The following PCDH7 variants were observed in gnomAD, a reference collection of about 807,000 sequenced individuals.
The protein encoded by PCDH7 is protocadherin 7, also known as protocadherin-7.
In PCDH7, 17 loss-of-function variants were observed where a neutral mutation model predicts 58.9. That is an observed-to-expected ratio of 0.29 (90% confidence interval 0.20 to 0.43). PCDH7 has a LOEUF of 0.43. PCDH7 is among the 20% of genes least tolerant of loss of function. PCDH7 has a pLI of 1.00. For missense variants in PCDH7, 1,274 were observed against 1,441.0 expected (o/e 0.88, Z 1.88); for synonymous variants, 664 against 616.4 (o/e 1.08, Z -1.14).
At chr4:30,901,387 A>T (rs1176406771) in intron 1 of PCDH7, among the ~76,000 whole-genome samples, 1 of 152,172 alleles carries the variant, frequency 6.6e-6, no homozygotes, top group Non-Finnish European at 1.5e-5. Flanking sequence ...GCCAAGGCAG[A>T]TTAAAATTAG....
At chr4:30,820,326 T>A (rs916276413) in intron 1 of PCDH7, among the ~76,000 whole-genome samples, 3 of 152,174 alleles carry the variant, frequency 2.0e-5, no homozygotes, top group African/African-American at 7.2e-5. Flanking sequence ...AAGCATTTTT[T>A]TAAAAAATGA....
chr4:30,738,089 A>G (rs1028276869), intron 1 of PCDH7, among the ~76,000 whole-genome samples: 1 of 152,092 alleles, frequency 6.6e-6, no homozygotes, highest in Non-Finnish European at 1.5e-5. Context: ...TCCTCTTTTT[A>G]TAAGAACACT....
At chr4:31,107,487 C>T (rs538742295) in intron 3 of PCDH7, among the ~76,000 whole-genome samples, 55 of 152,220 alleles carry the variant, frequency 3.6e-4, no homozygotes, top group Non-Finnish European at 6.2e-4. Context: ...TTGCTTAGCT[C>T]GCACAGATGA....
intron 3 of PCDH7, among the ~76,000 whole-genome samples, chr4:31,141,320 GC>G: frequency 6.6e-6 from 1 of 152,278 alleles, no homozygotes; most frequent in Non-Finnish European, 1.5e-5. Context: ...TAAGTCCCAA[GC>G]CTTGTAATAA....
chr4:31,084,709 AGGAGGGGAGGGGAGAAGAGGGGAGG>A (rs1343324511), intron 3 of PCDH7, among the ~76,000 whole-genome samples: 1 of 83,728 alleles, frequency 1.2e-5, no homozygotes, highest in African/African-American at 4.7e-5. Flanking sequence ...GGGAAAAGGG[AGGAGGGGAGGGGAGAAGAGGGGAGG>A]GGAGGGGATG....
Position 31,120,857 on chromosome 4 carries a change from G to A in PCDH7, c.*8-21616G>A, listed in dbSNP as rs556520722. Among the ~76,000 whole-genome samples the A allele has an allele frequency of 3.9e-5, 6 of 152,170 alleles. No homozygotes were observed. The South Asian group carries it at 1.0e-3, about 26-fold the overall frequency. Reference sequence around the variant, plus strand: ...CTGTTTCTTATTTTTAACCCTCTGGGAAATGAATACAACACTTGCCTGTTT... The same window carrying A: ...CTGTTTCTTATTTTTAACCCTCTGGAAAATGAATACAACACTTGCCTGTTT... On this transcript the variant is annotated intron_variant, in intron 3 of 3. Coordinates refer to the PCDH7 transcript ENST00000509759.
At chr4:30,951,026 T>C (rs1578396593) in intron 3 of PCDH7, among the ~76,000 whole-genome samples, 1 of 152,160 alleles carries the variant, frequency 6.6e-6, no homozygotes. Flanking sequence ...GGGCTTGTTT[T>C]GATGTATCAG....
rs1746161787 is a variant in PCDH7 at position 30,942,507 on chromosome 4, T to C, written c.288-7613T>C. 2.0e-5 allele frequency among the ~76,000 whole-genome samples: 3 copies of C among 151,994 alleles called. No individual in the cohort carries two copies. In the South Asian group the frequency reaches 6.2e-4, roughly 31 times the overall value. ...TCTTTATTTTGTAGTTGAGAAATTG[T>C]TTTTCTAAATGTTCTATCCCTCAAG... On this transcript the variant is annotated intron_variant, in intron 2 of 3. Coordinates refer to the PCDH7 transcript ENST00000509759.
At chr4:30,967,974 G>T (rs1029517717) in intron 3 of PCDH7, among the ~76,000 whole-genome samples, 1 of 151,994 alleles carries the variant, frequency 6.6e-6, no homozygotes, top group African/African-American at 2.4e-5. Context: ...TAAGCCTTGT[G>T]AGTAGAGGAA....
chr4:30,794,367 A>G (rs1480836058), intron 1 of PCDH7, among the ~76,000 whole-genome samples: 1 of 152,242 alleles, frequency 6.6e-6, no homozygotes, highest in Non-Finnish European at 1.5e-5. Flanking sequence ...CTCCTGTTTT[A>G]GGACTGTATA....
chr4:30,734,641 A>G (rs1382881089), downstream of PCDH7, among the ~76,000 whole-genome samples: 1 of 152,178 alleles, frequency 6.6e-6, no homozygotes, highest in Non-Finnish European at 1.5e-5. Flanking sequence ...AAAATAATAT[A>G]TATGAGGCAA....
rs1577697734 is a variant in PCDH7 at position 30,762,624 on chromosome 4, C to T, written c.70+38028C>T. On this transcript the variant is annotated intron_variant, in intron 1 of 3. Transcript: ENST00000509759. ...AAGCTATTAAATTAAAATAGTTTAC[C>T]CCTTGAGGATTTTCAAAGACCAAAG... Among the ~76,000 whole-genome samples, 4 of 152,056 alleles carry T rather than the reference C, an allele frequency of 2.6e-5. No homozygotes were observed. In the South Asian group the frequency reaches 8.3e-4, roughly 32 times the overall value.
At chr4:31,022,094 C>G (rs187945500) in intron 3 of PCDH7, among the ~76,000 whole-genome samples, 6 of 152,150 alleles carry the variant, frequency 3.9e-5, no homozygotes, top group African/African-American at 1.4e-4. Context: ...TTAAGGAAGT[C>G]AGTGTTTAAA....
At chr4:31,031,918 G>A (rs1010363670) in intron 3 of PCDH7, among the ~76,000 whole-genome samples, 5 of 152,094 alleles carry the variant, frequency 3.3e-5, no homozygotes, top group African/African-American at 4.8e-5. Flanking sequence ...TATTTTCAAG[G>A]CATTTCATGA....
At chr4:30,808,043 G>A (rs1726473643) in intron 1 of PCDH7, among the ~76,000 whole-genome samples, 1 of 152,250 alleles carries the variant, frequency 6.6e-6, no homozygotes, top group South Asian at 2.1e-4. Flanking sequence ...AGGGCTTGTA[G>A]GCACATCTCT....
intron 2 of PCDH7, among the ~76,000 whole-genome samples, chr4:30,938,498 ACACACACG>A (rs1380496942): frequency 6.6e-6 from 1 of 151,796 alleles, no homozygotes; most frequent in African/African-American, 2.4e-5. Context: ...ACACACACAC[ACACACACG>A]CACACACTCA....
chr4:31,046,245 A>G (rs1023612561), intron 3 of PCDH7, among the ~76,000 whole-genome samples: 2 of 151,978 alleles, frequency 1.3e-5, no homozygotes, highest in Non-Finnish European at 2.9e-5. Context: ...TTTTCTTATT[A>G]AAATATACTT....
chr4:31,131,473 A>G (rs1426017693), intron 3 of PCDH7, among the ~76,000 whole-genome samples: 1 of 152,110 alleles, frequency 6.6e-6, no homozygotes, highest in East Asian at 1.9e-4. Context: ...TCAACTGATC[A>G]GCTTATTGAT....
At chr4:30,960,016 G>T (rs1156582774) in intron 3 of PCDH7, among the ~76,000 whole-genome samples, 1 of 151,060 alleles carries the variant, frequency 6.6e-6, no homozygotes, top group Non-Finnish European at 1.5e-5. Flanking sequence ...TTATAATACA[G>T]TAACCTACAT....
Sources: allele counts gnomAD v4.1 joint callset (sites outside exome capture counted in the v4.1 genomes callset), GRCh38; gene constraint gnomAD v4.1.1; transcripts MANE v1.5; gene names NCBI Gene and HGNC (gene_info 2026-07-23, HGNC 2026-07-21).